The following FLI1 variants were observed in gnomAD, a reference collection of about 807,000 sequenced individuals.
FLI1 encodes the protein Friend leukemia integration 1 transcription factor.
FLI1 carries 13 observed loss-of-function variants against 53.1 expected under a neutral mutation model. The observed-to-expected ratio is 0.24, with a 90% confidence interval of 0.16 to 0.39. FLI1 has a LOEUF of 0.39. Among genes scored for constraint, FLI1 ranks in the 10% least tolerant of loss-of-function variants. FLI1 has a pLI of 1.00. For synonymous variants in FLI1, 244 were observed against 236.7 expected (o/e 1.03, Z -0.28); for missense variants, 424 against 600.5 (o/e 0.71, Z 3.07).
intron 1 of FLI1, among the ~76,000 whole-genome samples, chr11:128,745,171 A>G (rs529512022): frequency 1.3e-5 from 2 of 152,264 alleles, no homozygotes; most frequent in South Asian, 4.1e-4. Context: ...AAGAAAAACT[A>G]TTTGAAATAG....
intron 4 of FLI1, among the ~76,000 whole-genome samples, chr11:128,781,234 C>T (rs1941906168): frequency 6.6e-6 from 1 of 152,194 alleles, no homozygotes; most frequent in African/African-American, 2.4e-5. Flanking sequence ...CACTCACCTC[C>T]TTCCCAACTC....
intron 5 of FLI1, among the ~76,000 whole-genome samples, chr11:128,800,883 T>G (rs1044692325): frequency 3.9e-5 from 6 of 152,328 alleles, no homozygotes; most frequent in South Asian, 2.1e-4. Context: ...GCAAAGCTCT[T>G]TGGGTCACTC....
intron 1 of FLI1, among the ~76,000 whole-genome samples, chr11:128,725,759 A>G (rs949486579): frequency 7.2e-5 from 11 of 151,914 alleles, no homozygotes; most frequent in African/African-American, 2.4e-4. Flanking sequence ...GGGAAAAAAA[A>G]ACCCAAACCA....
chr11:128,764,594 G>C, intron 2 of FLI1: 1 of 1,484,324 alleles, frequency 6.7e-7, no homozygotes, highest in Non-Finnish European at 9.1e-7. Context: ...AAGCTGAATG[G>C]CAAAACCTCG....
At chr11:128,762,116 C>T (rs896576954) in intron 2 of FLI1, among the ~76,000 whole-genome samples, 3 of 152,162 alleles carry the variant, frequency 2.0e-5, no homozygotes, top group Non-Finnish European at 4.4e-5. Flanking sequence ...CCATGTCAGA[C>T]CCTATCATTT....
chr11:128,740,077 C>T (rs1940069678), intron 1 of FLI1, among the ~76,000 whole-genome samples: 1 of 152,152 alleles, frequency 6.6e-6, no homozygotes, highest in South Asian at 2.1e-4. Flanking sequence ...ACTTCCACCC[C>T]ACATCTCTGC....
At position 128,764,737 on chromosome 11, in the gene FLI1, G is replaced by A. The variant is rs560318208; in HGVS notation, c.231-3381G>A. The A allele has an allele frequency of 5.8e-5, 91 of 1,574,596 alleles. 2 individuals are homozygous for A. The South Asian group carries it at 6.8e-4, about 12-fold the overall frequency. ...GCGGCAGCCGTGGAGCCCCATGGCC[G>A]CACGCAGGGCTTGCGCTGGCTGGAG... On this transcript the variant is annotated intron_variant, in intron 2 of 8. Transcript: ENST00000527786.
chr11:128,790,648 G>A lies in FLI1; in HGVS notation c.655+8625G>A, dbSNP rs557048362. ...TTCCTCAAATTATTGGAAACAGCCCGTTTCCTAAGACAAGTGTAAATTTGT... is the reference window on the plus strand; with the variant it reads ...TTCCTCAAATTATTGGAAACAGCCCATTTCCTAAGACAAGTGTAAATTTGT... On this transcript the variant is annotated intron_variant, in intron 5 of 8. Coordinates refer to ENST00000527786, the MANE Select transcript of FLI1 (RefSeq NM_002017.5). Among the ~76,000 whole-genome samples, 15 of 152,288 alleles carry A rather than the reference G, an allele frequency of 9.8e-5. No individual in the cohort carries two copies. In the South Asian group the frequency reaches 2.3e-3, roughly 23 times the overall value.
intron 1 of FLI1, among the ~76,000 whole-genome samples, chr11:128,724,004 G>A (rs576662861): frequency 1.4e-5 from 2 of 142,990 alleles, no homozygotes; most frequent in South Asian, 2.4e-4. Flanking sequence ...GTATAGTGGC[G>A]CCATCTGGGC....
At chr11:128,701,593 A>T (rs1050354631) in intron 1 of FLI1, among the ~76,000 whole-genome samples, 1 of 152,216 alleles carries the variant, frequency 6.6e-6, no homozygotes, top group African/African-American at 2.4e-5. Flanking sequence ...GCAAACACTA[A>T]TGTATTTAAG....
chr11:128,745,595 G>T (rs980059558), intron 1 of FLI1, among the ~76,000 whole-genome samples: 1 of 152,210 alleles, frequency 6.6e-6, no homozygotes, highest in African/African-American at 2.4e-5. Context: ...AAAAGAAGCG[G>T]CCATTAAGAG....
intron 3 of FLI1, among the ~76,000 whole-genome samples, chr11:128,770,518 A>C (rs1162471499): frequency 6.6e-6 from 1 of 152,236 alleles, no homozygotes; most frequent in Non-Finnish European, 1.5e-5. Flanking sequence ...ATGGGAAGAA[A>C]CTAGGACTAA....
At chr11:128,763,638 G>C (rs774188828) in intron 2 of FLI1, among the ~76,000 whole-genome samples, 15 of 152,206 alleles carry the variant, frequency 9.9e-5, no homozygotes, top group Non-Finnish European at 2.2e-4. Context: ...ATTCCACACA[G>C]AGAAGGATCA....
chr11:128,794,437 T>C (rs1942370068), intron 5 of FLI1, among the ~76,000 whole-genome samples: 1 of 152,186 alleles, frequency 6.6e-6, no homozygotes, highest in African/African-American at 2.4e-5. Context: ...CAAATTCTCA[T>C]CAACCAAATT....
In FLI1 at chr11:128,735,932, G is replaced by A. The variant is rs188322388; in HGVS notation, c.19-22183G>A. Among the ~76,000 whole-genome samples, 35 of 152,296 alleles carry A rather than the reference G, an allele frequency of 2.3e-4. No homozygotes were observed. In the East Asian group the frequency reaches 5.0e-3, roughly 22 times the overall value. On this transcript the variant is annotated intron_variant, in intron 1 of 8. Transcript: ENST00000527786. ...TTTGAACAAATAGGACAAGACAATCGAAACACGTATCTAGAATTAGGACAT... is the reference window on the plus strand; with the variant it reads ...TTTGAACAAATAGGACAAGACAATCAAAACACGTATCTAGAATTAGGACAT...
Position 128,810,847 on chromosome 11 carries a change from C to A in FLI1, c.1218C>A (p.Ser406=), listed in dbSNP as rs778358115. 8 of 1,613,958 alleles carry A rather than the reference C, an allele frequency of 5.0e-6. No homozygotes were observed. In the East Asian group the frequency reaches 1.8e-4, roughly 36 times the overall value. Residue 406 remains serine (S), a synonymous_variant, in exon 9 of 9, where the codon TCC becomes TCA. Coordinates refer to ENST00000527786, the MANE Select transcript of FLI1 (RefSeq NM_002017.5). This position sits in a 1 kb window ranked among gnomAD's most constrained non-coding sequence, Gnocchi z 6.6. The stretch of plus-strand genomic sequence containing the variant: ...TGAACTTTGTCCCTCCCCATCCATC[C>A]TCCATGCCTGTCACTTCCTCCAGCT... ...QKVNFVPPHP[S]SMPVTSSSFF...
chr11:128,781,504 A>G (rs182256661), intron 4 of FLI1, among the ~76,000 whole-genome samples: 1 of 152,372 alleles, frequency 6.6e-6, no homozygotes, highest in Admixed American at 6.5e-5. Context: ...TCCTTTTGAT[A>G]GAAGAAATCT....
chr11:128,740,579 C>T (rs572740162), intron 1 of FLI1, among the ~76,000 whole-genome samples: 1 of 152,312 alleles, frequency 6.6e-6, no homozygotes, highest in East Asian at 1.9e-4. Context: ...AATATTTTCA[C>T]ATTAGCTTAA....
intron 1 of FLI1, among the ~76,000 whole-genome samples, chr11:128,730,275 A>C (rs1939640373): frequency 6.6e-6 from 1 of 152,186 alleles, no homozygotes; most frequent in Admixed American, 6.5e-5. Context: ...TGGAATCTCA[A>C]AGAGGTTTCC....
Sources: gnomAD v4.1 joint callset for allele counts (sites outside exome capture counted in the v4.1 genomes callset) on GRCh38, gnomAD v4.1.1 for gene constraint, Gnocchi (gnomAD v3.1) non-coding constraint, MANE v1.5 for transcripts, NCBI Gene and HGNC (gene_info 2026-07-23, HGNC 2026-07-21) for gene names.